PCDH15: variants seen among roughly 807,000 people sequenced by gnomAD.
The protein encoded by PCDH15 is protocadherin-15.
In PCDH15, 129 loss-of-function variants were observed where a neutral mutation model predicts 178.5. The ratio of observed to expected loss-of-function variants is 0.72; its 90% CI spans 0.63 to 0.84. The LOEUF is 0.84. Ranked by LOEUF, PCDH15 falls within the 40% of genes least tolerant of loss-of-function variation. The probability of loss-of-function intolerance (pLI) is 0.00; values close to 1 mark genes in which losing one functional copy is unlikely to be tolerated. For synonymous variants in PCDH15, 800 were observed against 732.0 expected (o/e 1.09, Z -1.50); for missense variants, 2,230 against 2,099.9 (o/e 1.06, Z -1.21).
In PCDH15 at chr10:54,789,971, T is replaced by C. The variant is rs1051162759; in HGVS notation, c.-29+10954A>G. Reference sequence around the variant, plus strand: ...ACACTATCAAATTGACTGGAGAAAATACGACAAACTTAACAAATAAGGGTA... The same window carrying C: ...ACACTATCAAATTGACTGGAGAAAACACGACAAACTTAACAAATAAGGGTA... On this transcript the variant is annotated intron_variant, in intron 1 of 37. Transcript: ENST00000644397. Among the ~76,000 whole-genome samples the C allele has an allele frequency of 5.3e-5, 8 of 151,884 alleles. No individual in the cohort carries two copies. In the East Asian group the frequency reaches 1.6e-3, roughly 29 times the overall value.
intron 1 of PCDH15, among the ~76,000 whole-genome samples, chr10:54,714,314 G>C (rs1195975475): frequency 1.3e-5 from 2 of 152,114 alleles, no homozygotes; most frequent in Non-Finnish European, 2.9e-5. Flanking sequence ...CAGCAGTGTA[G>C]AGATGAGAAG....
chr10:55,257,507 C>T (rs916755329), intron 1 of PCDH15, among the ~76,000 whole-genome samples: 1 of 152,048 alleles, frequency 6.6e-6, no homozygotes, highest in Non-Finnish European at 1.5e-5. Flanking sequence ...ACTAGAATAA[C>T]CAATGCAGAG....
intron 3 of PCDH15, among the ~76,000 whole-genome samples, chr10:54,450,133 ATAT>A (rs1351070393): frequency 3.6e-5 from 1 of 27,978 alleles, no homozygotes; most frequent in Non-Finnish European, 1.3e-4. Context: ...TTTTATAAAT[ATAT>A]ATATATATAT....
At chr10:54,466,220 GT>G (rs1197343175) in intron 3 of PCDH15, among the ~76,000 whole-genome samples, 2 of 151,688 alleles carry the variant, frequency 1.3e-5, no homozygotes, top group East Asian at 3.9e-4. Flanking sequence ...TGTTGCTTGT[GT>G]TTTTTTAGGT....
intron 1 of PCDH15, among the ~76,000 whole-genome samples, chr10:54,709,921 G>A (rs1324998839): frequency 2.7e-5 from 4 of 147,182 alleles, no homozygotes; most frequent in Non-Finnish European, 4.5e-5. Context: ...ATGTGTGTAA[G>A]TGTTTTTTAA....
chr10:54,399,264 G>A (rs1951637535), intron 3 of PCDH15, among the ~76,000 whole-genome samples: 2 of 151,694 alleles, frequency 1.3e-5, no homozygotes, highest in Admixed American at 6.6e-5. Context: ...GAAGTTCAGT[G>A]TGTAACATTT....
chr10:54,804,652 A>G (rs1317999869), upstream of PCDH15, among the ~76,000 whole-genome samples: 1 of 151,788 alleles, frequency 6.6e-6, no homozygotes, highest in Non-Finnish European at 1.5e-5. Context: ...ATCTTCATCT[A>G]ATTGTATTAG....
At chr10:54,071,306 T>C (rs898502105) in intron 17 of PCDH15, among the ~76,000 whole-genome samples, 1 of 152,186 alleles carries the variant, frequency 6.6e-6, no homozygotes, top group Non-Finnish European at 1.5e-5. Context: ...GAAATGTGTT[T>C]TGCTCAATAA....
At chr10:54,524,385 T>C (rs569245819) in intron 3 of PCDH15, among the ~76,000 whole-genome samples, 2 of 152,350 alleles carry the variant, frequency 1.3e-5, no homozygotes, top group East Asian at 1.9e-4. Flanking sequence ...AATCATTTTC[T>C]CCTTCTCTTT....
intron 10 of PCDH15, among the ~76,000 whole-genome samples, chr10:54,198,233 C>A (rs1307449826): frequency 6.6e-6 from 1 of 152,054 alleles, no homozygotes; most frequent in Non-Finnish European, 1.5e-5. Flanking sequence ...TTAGGAGTTA[C>A]CCCTGTGACA....
chr10:54,831,126 A>C (rs1383697469), intron 3 of PCDH15, among the ~76,000 whole-genome samples: 1 of 152,146 alleles, frequency 6.6e-6, no homozygotes, highest in Non-Finnish European at 1.5e-5. Flanking sequence ...ATAATCATTC[A>C]GCGTAGAACA....
At chr10:54,142,026 AAAC>A (rs938917490) in intron 14 of PCDH15, among the ~76,000 whole-genome samples, 14 of 152,194 alleles carry the variant, frequency 9.2e-5, no homozygotes, top group South Asian at 2.1e-4. Flanking sequence ...ATGGAAAAAA[AAAC>A]AACATTAGTT....
intron 2 of PCDH15, among the ~76,000 whole-genome samples, chr10:55,508,293 AC>A (rs1212426925): frequency 1.3e-5 from 2 of 151,672 alleles, no homozygotes; most frequent in Non-Finnish European, 3.0e-5. Flanking sequence ...CCATTTTTTT[AC>A]CCTTTCATAT....
At chr10:53,810,732 C>T in intron 36 of PCDH15, 68 bp from the exon 37 acceptor site, 1 of 1,365,634 alleles carries the variant, frequency 7.3e-7, no homozygotes, top group Non-Finnish European at 1.0e-6. Context: ...CATGAGTGAT[C>T]TGTTTCCTTC....
chr10:55,173,332 TGTGTGTGTG>T, intron 1 of PCDH15, among the ~76,000 whole-genome samples: 1 of 150,620 alleles, frequency 6.6e-6, no homozygotes, highest in African/African-American at 2.5e-5. Context: ...TGTGTGTGTG[TGTGTGTGTG>T]TGTGTATGTG....
At chr10:55,368,547 G>C (rs1992820) in intron 2 of PCDH15, among the ~76,000 whole-genome samples, 85,318 of 151,880 alleles carry the variant, frequency 0.56, 24,631 homozygotes, top group African/African-American at 0.68. Context: ...TAGAGTCACT[G>C]AAATGTGTCT....
intron 2 of PCDH15, among the ~76,000 whole-genome samples, chr10:55,527,853 T>C (rs1269365076): frequency 6.6e-6 from 1 of 152,026 alleles, no homozygotes; most frequent in Non-Finnish European, 1.5e-5. Flanking sequence ...ATAATAGGTA[T>C]TGTTTTTTCT....
intron 2 of PCDH15, among the ~76,000 whole-genome samples, chr10:55,052,648 G>A (rs1190367261): frequency 1.3e-5 from 2 of 151,382 alleles, no homozygotes; most frequent in African/African-American, 2.4e-5. Flanking sequence ...CCCGGGAGGC[G>A]GAGGTTGTGG....
At chr10:54,626,149 G>A (rs189662551) in intron 2 of PCDH15, among the ~76,000 whole-genome samples, 4 of 152,230 alleles carry the variant, frequency 2.6e-5, no homozygotes, top group Admixed American at 1.3e-4. Context: ...AGGTGATTTG[G>A]GTGCTGTTAA....
Sources: gnomAD v4.1 joint callset for allele counts (sites outside exome capture counted in the v4.1 genomes callset) on GRCh38, gnomAD v4.1.1 for gene constraint, MANE v1.5 for transcripts, NCBI Gene and HGNC (gene_info 2026-07-23, HGNC 2026-07-21) for gene names.